Variants in VPS41 observed in about 807,000 individuals in gnomAD.
VPS41 encodes vacuolar protein sorting-associated protein 41 homolog.
Under a neutral mutation model 130.9 loss-of-function variants are expected in VPS41, and 85 were observed. The observed-to-expected ratio is 0.65, with a 90% CI of 0.55 to 0.78. The LOEUF (loss-of-function observed/expected upper bound fraction) is 0.78. Among genes scored for constraint, VPS41 ranks in the 30% least tolerant of loss-of-function variants. The pLI, the probability that VPS41 is intolerant of heterozygous loss-of-function variation, is 0.00. For synonymous variants in VPS41, 335 were observed against 332.9 expected (o/e 1.01, Z -0.07); for missense variants, 874 against 1,018.7 (o/e 0.86, Z 1.93).
At chr7:38,738,525 T>C (rs1795818180) in intron 25 of VPS41, among the ~76,000 whole-genome samples, 1 of 152,174 alleles carries the variant, frequency 6.6e-6, no homozygotes, top group African/African-American at 2.4e-5. Flanking sequence ...ACTACAAAAA[T>C]GGACATAAAC....
intron 4 of VPS41, among the ~76,000 whole-genome samples, chr7:38,832,259 G>A (rs537485394): frequency 4.2e-4 from 62 of 146,376 alleles, no homozygotes; most frequent in African/African-American, 1.5e-3. Context: ...TTGCATGATG[G>A]TTATTACTTT....
chr7:38,837,706 G>A (rs564944989), intron 4 of VPS41, among the ~76,000 whole-genome samples: 1 of 152,240 alleles, frequency 6.6e-6, no homozygotes, highest in Admixed American at 6.5e-5. Flanking sequence ...TTGAAGTTTG[G>A]TTAACTCCAG....
intron 12 of VPS41, among the ~76,000 whole-genome samples, chr7:38,773,633 G>A (rs186506063): frequency 1.2e-4 from 18 of 152,246 alleles, no homozygotes; most frequent in Admixed American, 2.6e-4. Context: ...CAGTGACTAA[G>A]TGTATTTCTC....
chr7:38,832,319 C>CTTTTTTTTTTTTT (rs543207806), intron 4 of VPS41, among the ~76,000 whole-genome samples: 14 of 114,720 alleles, frequency 1.2e-4, no homozygotes, highest in Admixed American at 2.7e-4. Flanking sequence ...TTCTTTCTTT[C>CTTTTTTTTTTTTT]TTTTTTTTTT....
chr7:38,748,944 T>C (rs533263174), intron 22 of VPS41, among the ~76,000 whole-genome samples: 1 of 152,198 alleles, frequency 6.6e-6, no homozygotes, highest in African/African-American at 2.4e-5. Flanking sequence ...AACTGCACTT[T>C]TGTAGAGATT....
chr7:38,880,094 G>T (rs1786572898), intron 2 of VPS41, among the ~76,000 whole-genome samples: 1 of 152,162 alleles, frequency 6.6e-6, no homozygotes, highest in Admixed American at 6.5e-5. Flanking sequence ...GAGGACTTTT[G>T]TAAGAATTAA....
intron 5 of VPS41, among the ~76,000 whole-genome samples, chr7:38,827,603 C>T (rs1171733377): frequency 6.6e-6 from 1 of 152,196 alleles, no homozygotes; most frequent in Admixed American, 6.5e-5. Flanking sequence ...GGGCCTCCCA[C>T]TGCCAAGATG....
intron 7 of VPS41, among the ~76,000 whole-genome samples, chr7:38,811,246 A>C (rs773278045): frequency 1.3e-5 from 2 of 152,156 alleles, no homozygotes; most frequent in Non-Finnish European, 2.9e-5. Context: ...AATAATCTTT[A>C]CAAGTACATA....
At chr7:38,817,935 G>A in intron 6 of VPS41, 53 bp from the exon 7 acceptor site, 3 of 1,386,902 alleles carry the variant, frequency 2.2e-6, no homozygotes, top group Non-Finnish European at 3.1e-6. Flanking sequence ...CCAATGCACA[G>A]AATGAAAACC....
At chr7:38,772,007 G>A (rs773985830) in intron 13 of VPS41, among the ~76,000 whole-genome samples, 3 of 151,804 alleles carry the variant, frequency 2.0e-5, no homozygotes, top group Non-Finnish European at 4.4e-5. Flanking sequence ...ATCTAAGAAC[G>A]TAACTTTGTA....
At chr7:38,862,400 A>G in intron 4 of VPS41, 145 bp downstream of exon 4, 1 of 477,586 alleles carries the variant, frequency 2.1e-6, no homozygotes, top group South Asian at 4.5e-5. Context: ...TATATTATAA[A>G]GTTCAAATTT....
intron 2 of VPS41, among the ~76,000 whole-genome samples, chr7:38,887,449 T>C (rs2116402003): frequency 6.6e-6 from 1 of 151,974 alleles, no homozygotes; most frequent in South Asian, 2.1e-4. Context: ...ATCGAATTAG[T>C]GAAACAAAGC....
chr7:38,805,821 C>T (rs1784829605), intron 7 of VPS41, among the ~76,000 whole-genome samples: 1 of 152,168 alleles, frequency 6.6e-6, no homozygotes, highest in African/African-American at 2.4e-5. Flanking sequence ...ATTTAGACTC[C>T]TATATAATGC....
intron 2 of VPS41, among the ~76,000 whole-genome samples, chr7:38,896,692 C>A (rs1266906019): frequency 1.3e-5 from 2 of 152,124 alleles, no homozygotes; most frequent in African/African-American, 4.8e-5. Context: ...TGCATAAGTC[C>A]AACTTTTCCC....
intron 22 of VPS41, among the ~76,000 whole-genome samples, chr7:38,747,154 G>A (rs1796002051): frequency 6.6e-6 from 1 of 152,134 alleles, no homozygotes; most frequent in Non-Finnish European, 1.5e-5. Flanking sequence ...AATCACCATT[G>A]TAAATGATGA....
intron 5 of VPS41, among the ~76,000 whole-genome samples, chr7:38,828,539 A>ATGTCTTTATATTTTT (rs1347353650): frequency 1.4e-4 from 22 of 152,118 alleles, no homozygotes; most frequent in African/African-American, 4.8e-4. Context: ...TGTTTGTGTA[A>ATGTCTTTATATTTTT]TGTCTTTATA....
At chr7:38,813,201 A>T (rs1784978096) in intron 7 of VPS41, among the ~76,000 whole-genome samples, 1 of 152,236 alleles carries the variant, frequency 6.6e-6, no homozygotes, top group African/African-American at 2.4e-5. Flanking sequence ...AAAAGGAATG[A>T]AATACGGATA....
chr7:38,868,919 T>A (rs752218347), intron 3 of VPS41, among the ~76,000 whole-genome samples: 2 of 152,190 alleles, frequency 1.3e-5, no homozygotes, highest in Non-Finnish European at 2.9e-5. Context: ...TTGATCACTG[T>A]CTACATTCTA....
chr7:38,824,984 C>G (rs1240867390), intron 5 of VPS41, among the ~76,000 whole-genome samples: 1 of 152,104 alleles, frequency 6.6e-6, no homozygotes, highest in East Asian at 1.9e-4. Context: ...GATAAATGTC[C>G]CTTCAAAAAT....
Sources: gnomAD v4.1 joint callset for allele counts (sites outside exome capture counted in the v4.1 genomes callset) on GRCh38, gnomAD v4.1.1 for gene constraint, MANE v1.5 for transcripts, NCBI Gene and HGNC (gene_info 2026-07-23, HGNC 2026-07-21) for gene names.